RPL35: variants seen among roughly 807,000 people sequenced by gnomAD.
RPL35 encodes large ribosomal subunit protein uL29.
Under a neutral mutation model 15.6 loss-of-function variants are expected in RPL35, and 2 were observed. The ratio of observed to expected loss-of-function variants is 0.13; its 90% CI spans 0.05 to 0.40. The LOEUF (loss-of-function observed/expected upper bound fraction) is 0.40. RPL35 is among the 10% of genes least tolerant of loss of function. The probability of loss-of-function intolerance (pLI) is 0.99; values close to 1 mark genes in which losing one functional copy is unlikely to be tolerated. For synonymous variants in RPL35, 93 were observed against 67.9 expected, an observed-to-expected ratio of 1.37 and a Z score of -1.82; for missense variants, 111 against 164.7, an observed-to-expected ratio of 0.67 and a Z score of 1.79.
intron 3 of RPL35, 149 bp from the exon 4 acceptor site, chr9:124,858,216 A>C: frequency 2.9e-6 from 2 of 693,272 alleles, no homozygotes; most frequent in Non-Finnish European, 4.8e-6. Context: ...CACTAACTCA[A>C]TTAATCCCCC....
In RPL35 at chr9:124,858,614, G is replaced by A. The variant is rs143723061; in HGVS notation, c.223-547C>T. 3.8e-4 allele frequency: 255 copies of A among 667,204 alleles called. 1 individual carries two copies. The highest frequency in any genetic ancestry group is 3.1e-3 in the Middle Eastern group (9 of 2,890). 41.3% of individuals were successfully genotyped at this position (667,204 alleles called of 1,614,324 possible). On this transcript the variant is annotated intron_variant, in intron 3 of 3. Coordinates refer to ENST00000348462, the MANE Select transcript of RPL35 (RefSeq NM_007209.4). ...ACCTGCTTCCGGCTTTGGGGCCCCT[G>A]CCCACAGCTGTCACAGAGCCATCAT... is the stretch of plus-strand genomic sequence containing the variant.
At chr9:124,861,338 G>A in intron 2 of RPL35, 81 bp downstream of exon 2, 1 of 1,541,774 alleles carries the variant, frequency 6.5e-7, no homozygotes, top group Non-Finnish European at 8.8e-7. Context: ...AGCTCCTTAA[G>A]CCAACTTTGA....
Position 124,857,893 on chromosome 9 carries a change from C to T in RPL35, c.*25G>A. 1.9e-6 allele frequency: 3 copies of T among 1,609,118 alleles called. No individual in the cohort carries two copies. The highest frequency in any genetic ancestry group is 2.5e-6 in the Non-Finnish European group (3 of 1,177,536). ...CAGGAAACAAAGCAGTCTCAGCCAG[C>T]TGTGCTTTATTGACAATGCGCCCCT... is the stretch of plus-strand genomic sequence containing the variant. On this transcript the variant is annotated 3_prime_UTR_variant, in exon 4 of 4. Transcript: ENST00000348462.
chr9:124,861,547 G>C lies in RPL35; in HGVS notation c.12C>G (p.Ile4Met). The change falls in exon 2 of 4, where the codon ATC becomes ATG. Residue 4 changes from isoleucine (I) to methionine (M), a missense_variant. Transcript: ENST00000348462. ...TCTTCCCGCGAAGATCTCGAGCCTT[G>C]ATCTTGGCCTGCGCGCAAGAGAGAG... MAK[I>M]KARDLRGKKK... is the part of the protein sequence containing the mutation. The C allele has an allele frequency of 6.2e-7, 1 of 1,613,878 alleles. No homozygotes were observed. Among genetic ancestry groups the C allele is most frequent in the Non-Finnish European group, 8.5e-7 (1 of 1,179,998 alleles).
rs780164990 is a variant in RPL35 at position 124,858,044 on chromosome 9, G to A, written c.246C>T (p.Asp82=). 2 of 1,612,522 alleles carry A rather than the reference G, an allele frequency of 1.2e-6. No individual in the cohort carries two copies. The highest frequency in any genetic ancestry group is 1.7e-6 in the Non-Finnish European group (2 of 1,179,998). ...FYKGKKYKPL[D]LRPKKTRAMR... Reference sequence around the variant, plus strand: ...TGGCACGTGTCTTCTTAGGCCGCAGGTCCAGGGGCTTGTACTTCTTGCCCT... The same window carrying A: ...TGGCACGTGTCTTCTTAGGCCGCAGATCCAGGGGCTTGTACTTCTTGCCCT... Residue 82 remains aspartate (D), a synonymous_variant, in exon 4 of 4, where the codon GAC becomes GAT. Transcript: ENST00000348462.
chr9:124,860,302 C>A (rs751895284), intron 2 of RPL35, 38 bp from the exon 3 acceptor site: 33 of 1,520,760 alleles, frequency 2.2e-5, no homozygotes, highest in Non-Finnish European at 2.9e-5. Flanking sequence ...AGGGAAGACA[C>A]ATAGCACTAC....
In RPL35 at chr9:124,861,947, G is replaced by T. The variant is rs557637019; in HGVS notation, c.-35C>A. ...AGCCGCCAACGCCGCCGCCCGCTCC[G>T]AGGGAAAGAGGAAGTAGGCGGGGCT... On this transcript the variant is annotated 5_prime_UTR_variant, in exon 1 of 4. Transcript: ENST00000348462. 1.9e-5 allele frequency: 31 copies of T among 1,595,628 alleles called. No homozygotes were observed. In the African/African-American group the frequency reaches 2.3e-4, roughly 12 times the overall value.
chr9:124,858,779 G>A (rs561050084), intron 3 of RPL35, among the ~76,000 whole-genome samples: 1 of 152,348 alleles, frequency 6.6e-6, no homozygotes, highest in East Asian at 1.9e-4. Flanking sequence ...CCTGTGCTGG[G>A]AGCTGGCTTG....
chr9:124,860,700 T>C (rs1229139753), intron 2 of RPL35, among the ~76,000 whole-genome samples: 1 of 152,118 alleles, frequency 6.6e-6, no homozygotes, highest in African/African-American at 2.4e-5. Flanking sequence ...AGGGAGAAGT[T>C]ATTTGTAGTC....
intron 3 of RPL35, among the ~76,000 whole-genome samples, chr9:124,858,870 A>AATGGTT (rs1285884659): frequency 6.6e-6 from 1 of 151,116 alleles, no homozygotes; most frequent in African/African-American, 2.4e-5. Context: ...GGCCCATGGT[A>AATGGTT]TGGGGGATTC....
At chr9:124,861,678 G>C (rs1355067390) in intron 1 of RPL35, 123 bp from the exon 2 acceptor site, 3 of 1,437,062 alleles carry the variant, frequency 2.1e-6, no homozygotes, top group African/African-American at 2.8e-5. Context: ...CCCCAACCAG[G>C]GCTCAGGACA....
chr9:124,861,922 AGCCGCCAACGCC>A lies in RPL35; in HGVS notation c.-22_-11del, dbSNP rs751724365. The A allele has an allele frequency of 8.7e-6, 14 of 1,600,384 alleles. No homozygotes were observed. Among genetic ancestry groups the A allele is most frequent in the Admixed American group, 1.7e-5 (1 of 58,850 alleles). On this transcript the variant is annotated 5_prime_UTR_variant, in exon 1 of 4. Coordinates refer to ENST00000348462, the MANE Select transcript of RPL35 (RefSeq NM_007209.4). ...CCGCAGCTCTCACCATTGCTGCACAAGCCGCCAACGCCGCCGCCCGCTCCGAGGGAAAGAGGA... is the reference window on the plus strand; with the variant it reads ...CCGCAGCTCTCACCATTGCTGCACAAGCCGCCCGCTCCGAGGGAAAGAGGA...
chr9:124,861,820 C>A (rs1425506221), intron 1 of RPL35, 90 bp downstream of exon 1: 28 of 1,527,778 alleles, frequency 1.8e-5, no homozygotes, highest in Non-Finnish European at 2.3e-5. Flanking sequence ...GCCTAGGTGG[C>A]AGATAGAATC....
chr9:124,860,376 A>C (rs186538256), intron 2 of RPL35, 112 bp from the exon 3 acceptor site: 2 of 884,602 alleles, frequency 2.3e-6, no homozygotes, highest in Admixed American at 3.6e-5. Flanking sequence ...ACCCATCCAT[A>C]TTCACTCAGG....
At chr9:124,861,393 G>T (rs969606140) in intron 2 of RPL35, 26 bp downstream of exon 2, 3 of 1,602,856 alleles carry the variant, frequency 1.9e-6, no homozygotes, top group Non-Finnish European at 2.6e-6. Flanking sequence ...CACCCACGAG[G>T]GCTGTGATCC....
At chr9:124,858,746 C>G (rs1006012861) in intron 3 of RPL35, among the ~76,000 whole-genome samples, 4 of 152,262 alleles carry the variant, frequency 2.6e-5, no homozygotes, top group Non-Finnish European at 4.4e-5. Context: ...CAAAGGTCCC[C>G]TGGGCCCCCT....
chr9:124,860,005 C>G (rs746620688), intron 3 of RPL35, among the ~76,000 whole-genome samples, 178 bp downstream of exon 3: 2 of 152,202 alleles, frequency 1.3e-5, no homozygotes, highest in Non-Finnish European at 2.9e-5. Flanking sequence ...AGGAAGTGGT[C>G]TGCAGAGCCA....
chr9:124,860,114 G>A, intron 3 of RPL35, 69 bp downstream of exon 3: 1 of 1,166,520 alleles, frequency 8.6e-7, no homozygotes, highest in Non-Finnish European at 1.3e-6. Flanking sequence ...TCTTTACCAT[G>A]TCCCCGGCCA....
chr9:124,858,421 G>A (rs1227232588), intron 3 of RPL35: 16 of 708,000 alleles, frequency 2.3e-5, no homozygotes, highest in African/African-American at 5.2e-5. Flanking sequence ...TACAGGGCAC[G>A]CAGCACCCAC....
Sources: gnomAD v4.1 joint callset for allele counts (sites outside exome capture counted in the v4.1 genomes callset) on GRCh38, gnomAD v4.1.1 for gene constraint, MANE v1.5 for transcripts, NCBI Gene and HGNC (gene_info 2026-07-23, HGNC 2026-07-21) for gene names.